TEAD1: variants seen among roughly 807,000 people sequenced by gnomAD.
TEAD1 encodes TEA domain transcription factor 1, also known as transcriptional enhancer factor TEF-1.
Under a neutral mutation model 54.9 loss-of-function variants are expected in TEAD1, and 9 were observed. That is an observed-to-expected ratio of 0.16 (90% confidence interval 0.10 to 0.29). The LOEUF (loss-of-function observed/expected upper bound fraction) is 0.29. Ranked by LOEUF, TEAD1 falls within the 10% of genes least tolerant of loss-of-function variation. The probability of loss-of-function intolerance (pLI) is 1.00; values close to 1 mark genes in which losing one functional copy is unlikely to be tolerated. For synonymous variants in TEAD1, 200 were observed against 187.8 expected (o/e 1.07, Z -0.53); for missense variants, 387 against 535.9 (o/e 0.72, Z 2.74).
chr11:12,914,755 C>T (rs754459591), intron 10 of TEAD1, among the ~76,000 whole-genome samples: 17 of 152,260 alleles, frequency 1.1e-4, no homozygotes, highest in Non-Finnish European at 1.9e-4. Context: ...GCCCCAGGCC[C>T]AGTGCAGAGC....
At chr11:12,722,254 C>T (rs1944219231) in intron 2 of TEAD1, among the ~76,000 whole-genome samples, 1 of 152,190 alleles carries the variant, frequency 6.6e-6, no homozygotes. Context: ...CTCATCCTGT[C>T]TCCACATCTC....
At chr11:12,706,011 T>C (rs182423640) in intron 2 of TEAD1, among the ~76,000 whole-genome samples, 111 of 152,358 alleles carry the variant, frequency 7.3e-4, no homozygotes, top group African/African-American at 2.6e-3. Flanking sequence ...CATTAAGCAA[T>C]ACAGGCTGTT....
intron 12 of TEAD1, among the ~76,000 whole-genome samples, chr11:12,934,732 C>T (rs1949070290): frequency 6.6e-6 from 1 of 152,052 alleles, no homozygotes; most frequent in African/African-American, 2.4e-5. Flanking sequence ...CACTTTCTAC[C>T]TCAGAGGTTA....
At chr11:12,851,071 T>G in intron 3 of TEAD1, 1 of 984,120 alleles carries the variant, frequency 1.0e-6, no homozygotes, top group African/African-American at 1.7e-5. Context: ...CGGATTTTCT[T>G]TATACAAAAG....
chr11:12,887,391 G>A (rs1472245486), intron 9 of TEAD1, among the ~76,000 whole-genome samples: 9 of 152,116 alleles, frequency 5.9e-5, no homozygotes, highest in African/African-American at 1.9e-4. Context: ...CACCGTGCCC[G>A]GCCGCAGATT....
chr11:12,688,459 ACT>A (rs1399504373), intron 2 of TEAD1, among the ~76,000 whole-genome samples: 1 of 151,958 alleles, frequency 6.6e-6, no homozygotes, highest in African/African-American at 2.4e-5. Context: ...AGTTTTTAGG[ACT>A]CTGTGCTCAT....
At chr11:12,882,587 T>C (rs754567782) in intron 8 of TEAD1, among the ~76,000 whole-genome samples, 4 of 152,164 alleles carry the variant, frequency 2.6e-5, no homozygotes, top group Non-Finnish European at 4.4e-5. Context: ...AGAGAGAATA[T>C]TCTATAGTGC....
At chr11:12,794,609 C>A (rs985471080) in intron 3 of TEAD1, among the ~76,000 whole-genome samples, 1 of 152,148 alleles carries the variant, frequency 6.6e-6, no homozygotes, top group East Asian at 1.9e-4. Flanking sequence ...CATCTCCTAA[C>A]GCAGTTCTGC....
chr11:12,932,421 G>A (rs923202679), intron 12 of TEAD1, among the ~76,000 whole-genome samples: 2 of 152,164 alleles, frequency 1.3e-5, no homozygotes, highest in East Asian at 1.9e-4. Flanking sequence ...TCTTGGGGGG[G>A]AGTCTTAGCT....
intron 2 of TEAD1, among the ~76,000 whole-genome samples, chr11:12,755,717 C>T (rs907594139): frequency 7.9e-5 from 12 of 152,194 alleles, no homozygotes; most frequent in Non-Finnish European, 1.6e-4. Flanking sequence ...ACTTGGGCTA[C>T]GAGTCATGTC....
chr11:12,821,759 G>A (rs982906181), intron 3 of TEAD1, among the ~76,000 whole-genome samples: 7 of 151,966 alleles, frequency 4.6e-5, no homozygotes, highest in African/African-American at 1.7e-4. Context: ...CCTATGGCCG[G>A]ATATGAATTA....
chr11:12,888,401 C>G (rs540821060), intron 9 of TEAD1, among the ~76,000 whole-genome samples: 2 of 152,100 alleles, frequency 1.3e-5, no homozygotes, highest in African/African-American at 4.8e-5. Flanking sequence ...CTCAGCTACT[C>G]GGGAGACTGA....
rs368514336 is a variant in TEAD1, at chr11:12,794,923, A to G, written c.202+30489A>G. On this transcript the variant is annotated intron_variant, in intron 3 of 12. Coordinates refer to ENST00000527636, the MANE Select transcript of TEAD1 (RefSeq NM_021961.6). ...GGAAATCCATCCTGCCCTGAACAGC[A>G]GGGTGAGCACCTTCACCTGATTCAG... 5.3e-5 allele frequency among the ~76,000 whole-genome samples: 8 copies of G among 152,354 alleles called. No homozygotes were observed. In the East Asian group the frequency reaches 9.6e-4, roughly 18 times the overall value.
intron 3 of TEAD1, among the ~76,000 whole-genome samples, chr11:12,854,209 C>T (rs898338243): frequency 2.6e-5 from 4 of 152,142 alleles, no homozygotes; most frequent in African/African-American, 9.7e-5. Context: ...GGCTGTTTTT[C>T]ATGAGCCTGT....
chr11:12,872,709 C>T (rs1947776633), intron 5 of TEAD1, among the ~76,000 whole-genome samples: 1 of 152,106 alleles, frequency 6.6e-6, no homozygotes, highest in Non-Finnish European at 1.5e-5. Context: ...CTCTTCATAG[C>T]GAAATCCCAT....
chr11:12,869,968 C>G (rs1169483856), intron 5 of TEAD1, among the ~76,000 whole-genome samples: 1 of 152,162 alleles, frequency 6.6e-6, no homozygotes, highest in East Asian at 1.9e-4. Context: ...CAACCTCCGC[C>G]TCCCGGGTTC....
chr11:12,896,192 A>G (rs1281090694), intron 9 of TEAD1, among the ~76,000 whole-genome samples: 1 of 152,150 alleles, frequency 6.6e-6, no homozygotes, highest in Non-Finnish European at 1.5e-5. Flanking sequence ...TTACATAGCT[A>G]CACCAATTCA....
chr11:12,797,683 T>C (rs563676147), intron 3 of TEAD1, among the ~76,000 whole-genome samples: 1 of 152,280 alleles, frequency 6.6e-6, no homozygotes, highest in Non-Finnish European at 1.5e-5. Flanking sequence ...AATTTTACTG[T>C]CCTATCTGTG....
chr11:12,696,241 G>T (rs568042230), intron 2 of TEAD1, among the ~76,000 whole-genome samples: 47 of 152,314 alleles, frequency 3.1e-4, no homozygotes, highest in Admixed American at 2.8e-3. Flanking sequence ...TGTTGGACAG[G>T]TAGATACTTT....
Sources: allele counts gnomAD v4.1 joint callset (sites outside exome capture counted in the v4.1 genomes callset), GRCh38; gene constraint gnomAD v4.1.1; transcripts MANE v1.5; gene names NCBI Gene and HGNC (gene_info 2026-07-23, HGNC 2026-07-21).